The following SUZ12 variants were observed in gnomAD, a reference collection of about 807,000 sequenced individuals.
The protein encoded by SUZ12 is polycomb protein SUZ12.
Under a neutral mutation model 87.3 loss-of-function variants are expected in SUZ12, and 17 were observed. The ratio of observed to expected loss-of-function variants is 0.19; its 90% confidence interval spans 0.13 to 0.29. The LOEUF (loss-of-function observed/expected upper bound fraction) is 0.29. Ranked by LOEUF, SUZ12 falls within the 10% of genes least tolerant of loss-of-function variation. The pLI is 1.00. For missense variants in SUZ12, 526 were observed against 912.2 expected, an observed-to-expected ratio of 0.58 and a Z score of 5.45; for synonymous variants, 253 against 312.4, an observed-to-expected ratio of 0.81 and a Z score of 2.01.
intron 10 of SUZ12, among the ~76,000 whole-genome samples, chr17:31,989,224 C>G (rs974741729): frequency 2.0e-5 from 3 of 151,944 alleles, no homozygotes; most frequent in Non-Finnish European, 4.4e-5. Flanking sequence ...CTGCTGGCCT[C>G]TATGTGATTA....
At chr17:31,997,121 C>G (rs938693364) in intron 15 of SUZ12, among the ~76,000 whole-genome samples, 10 of 151,904 alleles carry the variant, frequency 6.6e-5, no homozygotes, top group Non-Finnish European at 1.2e-4. Context: ...TTAATAAAAT[C>G]AAGGCAAAAA....
intron 4 of SUZ12, among the ~76,000 whole-genome samples, chr17:31,949,923 T>A (rs1047450658): frequency 1.1e-4 from 16 of 152,038 alleles, no homozygotes; most frequent in African/African-American, 3.9e-4. Context: ...GCTCAAGTGA[T>A]CTGCCTGCCT....
intron 14 of SUZ12, 52 bp from the exon 15 acceptor site, chr17:31,996,746 A>G (rs1909998788): frequency 7.8e-7 from 1 of 1,290,184 alleles, no homozygotes; most frequent in Admixed American, 2.7e-5. Context: ...ACATTCTCAC[A>G]AGTTTTTCTT....
rs992671133 is a variant in SUZ12 at position 31,999,129 on chromosome 17, T to G, written c.*126T>G. ...GGCACTGTTAGATGAAGTAAATGAT[T>G]TCAACAAGGATATTTGTATCAGGGT... On this transcript the variant is annotated 3_prime_UTR_variant, in exon 16 of 16. Coordinates refer to ENST00000322652, the MANE Select transcript of SUZ12 (RefSeq NM_015355.4). 5.3e-6 allele frequency: 4 copies of G among 747,994 alleles called. No individual in the cohort carries two copies. The highest frequency in any genetic ancestry group is 8.1e-6 in the Non-Finnish European group (4 of 493,104). 46.3% of individuals were successfully genotyped at this position (747,994 alleles called of 1,614,324 possible).
intron 4 of SUZ12, among the ~76,000 whole-genome samples, chr17:31,951,837 C>T (rs1357316325): frequency 2.8e-5 from 4 of 144,904 alleles, no homozygotes; most frequent in Non-Finnish European, 6.0e-5. Flanking sequence ...TGTAGTGGTG[C>T]GATCTTGGCT....
At chr17:31,948,482 G>T (rs1906767324) in intron 4 of SUZ12, among the ~76,000 whole-genome samples, 1 of 152,104 alleles carries the variant, frequency 6.6e-6, no homozygotes, top group Non-Finnish European at 1.5e-5. Context: ...TTGTCACAAT[G>T]CATTTTTCTT....
intron 4 of SUZ12, among the ~76,000 whole-genome samples, chr17:31,958,211 CT>C (rs1262459084): frequency 6.6e-6 from 1 of 151,868 alleles, no homozygotes; most frequent in Non-Finnish European, 1.5e-5. Flanking sequence ...CCCTTTTGTA[CT>C]TTTTGTAGAG....
intron 5 of SUZ12, among the ~76,000 whole-genome samples, chr17:31,971,821 TG>T (rs1440631374): frequency 6.6e-6 from 1 of 152,178 alleles, no homozygotes; most frequent in African/African-American, 2.4e-5. Context: ...TTATCATAAA[TG>T]TTAAATCTTC....
intron 10 of SUZ12, among the ~76,000 whole-genome samples, chr17:31,988,842 G>A (rs917681570): frequency 6.6e-6 from 1 of 151,728 alleles, no homozygotes; most frequent in Non-Finnish European, 1.5e-5. Context: ...AGACCGAGGC[G>A]GGCGGATCAC....
At chr17:31,949,151 C>T (rs1465192470) in intron 4 of SUZ12, among the ~76,000 whole-genome samples, 1 of 152,092 alleles carries the variant, frequency 6.6e-6, no homozygotes, top group Non-Finnish European at 1.5e-5. Flanking sequence ...ACTACTAAAC[C>T]CTATTACTAT....
chr17:31,947,325 A>T (rs1172830638), intron 3 of SUZ12, among the ~76,000 whole-genome samples: 1 of 152,162 alleles, frequency 6.6e-6, no homozygotes, highest in Non-Finnish European at 1.5e-5. Context: ...AGTAAGTGTC[A>T]AAATAAATAT....
Position 31,948,310 on chromosome 17 carries a change from T to C in SUZ12, c.455+625T>C, listed in dbSNP as rs1276724080. Among the ~76,000 whole-genome samples the C allele has an allele frequency of 9.8e-5, 15 of 152,336 alleles. No individual in the cohort carries two copies. In the East Asian group the frequency reaches 2.7e-3, roughly 27 times the overall value. ...GTCTACTCTAGATAGTATGCTTCTA[T>C]TTATTTTTTGACACGTAAACTTTAT... On this transcript the variant is annotated intron_variant, in intron 4 of 15. Transcript: ENST00000322652.
intron 12 of SUZ12, 181 bp from the exon 13 acceptor site, chr17:31,994,383 T>C (rs562327900): frequency 3.1e-5 from 15 of 487,866 alleles, no homozygotes; most frequent in Non-Finnish European, 5.2e-5. Context: ...ATAAATGACA[T>C]AGTTAAGATT....
intron 8 of SUZ12, among the ~76,000 whole-genome samples, chr17:31,979,130 T>TAAAAAG (rs1567830380): frequency 2.6e-5 from 3 of 116,096 alleles, no homozygotes; most frequent in Admixed American, 1.0e-4. Flanking sequence ...AAAAAAGAAT[T>TAAAAAG]CAAAACGATA....
intron 4 of SUZ12, among the ~76,000 whole-genome samples, chr17:31,957,582 T>G (rs1238937524): frequency 1.3e-5 from 2 of 151,738 alleles, no homozygotes; most frequent in African/African-American, 4.8e-5. Context: ...TAGCTAATTT[T>G]TTTGCATTTT....
At position 31,982,397 on chromosome 17, in the gene SUZ12, C is replaced by CA. The variant is rs556340221; in HGVS notation, c.918-601dup. On this transcript the variant is annotated intron_variant, in intron 8 of 15. Coordinates refer to ENST00000322652, the MANE Select transcript of SUZ12 (RefSeq NM_015355.4). The stretch of plus-strand genomic sequence containing the variant: ...AAAGCCTGGGCTGGGCGCGGTGGTT[C>CA]ACGCCTGTAATCCCAGCACTTTAGG... 5.9e-5 allele frequency among the ~76,000 whole-genome samples: 9 copies of CA among 152,256 alleles called. No homozygotes were observed. The East Asian group carries it at 1.5e-3, about 26-fold the overall frequency.
intron 6 of SUZ12, among the ~76,000 whole-genome samples, chr17:31,974,481 C>T (rs1314486184): frequency 1.3e-5 from 2 of 152,126 alleles, no homozygotes; most frequent in South Asian, 2.1e-4. Context: ...GAGCCGAGAT[C>T]GCACAACTGC....
intron 10 of SUZ12, among the ~76,000 whole-genome samples, chr17:31,991,867 T>C (rs765590982): frequency 7.2e-5 from 11 of 152,060 alleles, no homozygotes; most frequent in Non-Finnish European, 1.3e-4. Context: ...CCCAAAGTGC[T>C]GGGATTACAG....
intron 5 of SUZ12, among the ~76,000 whole-genome samples, chr17:31,971,406 G>T (rs1042942075): frequency 6.7e-6 from 1 of 148,942 alleles, no homozygotes; most frequent in Admixed American, 6.7e-5. Context: ...TTTTGAATGT[G>T]GTTGTCTCCT....
Sources: allele counts gnomAD v4.1 joint callset (sites outside exome capture counted in the v4.1 genomes callset), GRCh38; gene constraint gnomAD v4.1.1; transcripts MANE v1.5; gene names NCBI Gene and HGNC (gene_info 2026-07-23, HGNC 2026-07-21).